Variants in CATSPERB observed in about 807,000 individuals in gnomAD.
CATSPERB encodes cation channel sperm-associated auxiliary subunit beta.
In CATSPERB, 93 loss-of-function variants were observed where a neutral mutation model predicts 128.3. The observed-to-expected ratio is 0.72, with a 90% confidence interval of 0.61 to 0.86. The LOEUF (loss-of-function observed/expected upper bound fraction) is 0.86, where lower values mean the gene tolerates loss of function less well. Ranked by LOEUF, CATSPERB falls within the 40% of genes least tolerant of loss-of-function variation. CATSPERB has a pLI of 0.00. For missense variants in CATSPERB, 1,153 were observed against 1,329.5 expected (o/e 0.87, Z 2.06); for synonymous variants, 381 against 448.8 (o/e 0.85, Z 1.91).
chr14:91,604,565 A>T, intron 22 of CATSPERB: 1 of 1,609,562 alleles, frequency 6.2e-7, no homozygotes. Flanking sequence ...CTGGAACTGC[A>T]TGGAGGACTG....
chr14:91,632,104 A>G (rs1246546395), intron 17 of CATSPERB, among the ~76,000 whole-genome samples: 1 of 152,138 alleles, frequency 6.6e-6, no homozygotes, highest in Non-Finnish European at 1.5e-5. Context: ...ATGAAGACAA[A>G]TATATTAGTA....
intron 5 of CATSPERB, chr14:91,710,739 A>T (rs1895824878): frequency 6.6e-6 from 1 of 152,232 alleles, no homozygotes; most frequent in South Asian, 2.1e-4. Context: ...TAACTACTCC[A>T]GTGGCTGAAT....
intron 26 of CATSPERB, among the ~76,000 whole-genome samples, chr14:91,582,819 A>C (rs1361834014): frequency 6.6e-6 from 1 of 152,154 alleles, no homozygotes; most frequent in East Asian, 1.9e-4. Flanking sequence ...CAGTAAAATT[A>C]TTCTTTGCCC....
At chr14:91,603,725 A>C (rs2139770620) in intron 22 of CATSPERB, among the ~76,000 whole-genome samples, 1 of 152,300 alleles carries the variant, frequency 6.6e-6, no homozygotes, top group East Asian at 1.9e-4. Context: ...GAGGAGGAGC[A>C]GGAGGTAGAG....
chr14:91,689,207 TGA>T (rs1293116765), intron 10 of CATSPERB, among the ~76,000 whole-genome samples: 2 of 152,184 alleles, frequency 1.3e-5, no homozygotes, highest in Non-Finnish European at 2.9e-5. Context: ...CTCCCAAAAC[TGA>T]GAAAACCCTT....
chr14:91,693,245 C>T lies in CATSPERB; in HGVS notation c.713-1G>A, dbSNP rs372221546. On this transcript the variant is annotated splice_acceptor_variant, in intron 8 of 26. Coordinates refer to ENST00000256343, the MANE Select transcript of CATSPERB (RefSeq NM_024764.4). LOFTEE classifies it high-confidence loss of function. ...TCCACCAATGAAAGGTCTTCATATTCTAAACGAAGAAATCATACCATGGAT... is the reference window on the plus strand; with the variant it reads ...TCCACCAATGAAAGGTCTTCATATTTTAAACGAAGAAATCATACCATGGAT... The T allele has an allele frequency of 3.1e-6, 5 of 1,603,038 alleles. No homozygotes were observed. In the African/African-American group the frequency reaches 5.4e-5, roughly 17 times the overall value.
chr14:91,612,119 G>A (rs1477706134), intron 20 of CATSPERB, among the ~76,000 whole-genome samples: 1 of 149,016 alleles, frequency 6.7e-6, no homozygotes, highest in Non-Finnish European at 1.5e-5. Context: ...GAGTACAGTG[G>A]CACTATTATA....
chr14:91,682,760 C>T (rs1197918275), intron 11 of CATSPERB, among the ~76,000 whole-genome samples: 1 of 152,166 alleles, frequency 6.6e-6, no homozygotes, highest in African/African-American at 2.4e-5. Context: ...CAGGCAGTGA[C>T]CATAGATGTA....
intron 22 of CATSPERB, chr14:91,603,301 G>C: frequency 6.8e-7 from 1 of 1,479,366 alleles, no homozygotes; most frequent in Non-Finnish European, 9.5e-7. Flanking sequence ...AGTGGCACTG[G>C]TTTATAATCT....
Position 91,587,474 on chromosome 14 carries a change from A to C in CATSPERB, c.3058-198T>G, listed in dbSNP as rs979455014. On this transcript the variant is annotated intron_variant, in intron 25 of 26. Coordinates refer to ENST00000256343, the MANE Select transcript of CATSPERB (RefSeq NM_024764.4). ...TTGAAGTGGAGGGATTCAATAGCTG[A>C]TACTTTTTTTTTTTTTTTTTTTTTT... Among the ~76,000 whole-genome samples, 4 of 88,828 alleles carry C rather than the reference A, an allele frequency of 4.5e-5. No individual in the cohort carries two copies. In the East Asian group the frequency reaches 1.1e-3, roughly 25 times the overall value. The allele number at this position is 88,828 out of a possible 152,430, so 58.3% of individuals were successfully genotyped here.
At position 91,612,641 on chromosome 14, in the gene CATSPERB, TA is replaced by T. The variant is rs556072082; in HGVS notation, c.2401-1965del. Among the ~76,000 whole-genome samples, 4 of 152,366 alleles carry T rather than the reference TA, an allele frequency of 2.6e-5. No individual in the cohort carries two copies. In the South Asian group the frequency reaches 6.2e-4, roughly 24 times the overall value. On this transcript the variant is annotated intron_variant, in intron 20 of 26. Transcript: ENST00000256343. ...CAATTCTGAAGTATTTTTGGAACTTTAAAAATGTAGAAATACTAATAAACGT... is the reference window on the plus strand; with the variant it reads ...CAATTCTGAAGTATTTTTGGAACTTTAAAATGTAGAAATACTAATAAACGT...
chr14:91,594,308 C>T (rs1239785584), intron 22 of CATSPERB, among the ~76,000 whole-genome samples: 4 of 151,640 alleles, frequency 2.6e-5, no homozygotes, highest in Admixed American at 1.3e-4. Context: ...AGGGGAACAT[C>T]ACACACCAGG....
At chr14:91,650,121 A>G (rs10143914) in intron 15 of CATSPERB, among the ~76,000 whole-genome samples, 13,927 of 152,258 alleles carry the variant, frequency 0.091, 669 homozygotes, top group Middle Eastern at 0.16. Context: ...CACTGAAACC[A>G]TAGTGGTCAA....
chr14:91,692,902 T>G (rs1212287449), intron 9 of CATSPERB, among the ~76,000 whole-genome samples: 1 of 152,206 alleles, frequency 6.6e-6, no homozygotes, highest in Non-Finnish European at 1.5e-5. Flanking sequence ...CATTTAAAAC[T>G]TACTATAAAT....
At chr14:91,694,339 A>G (rs1402774217) in intron 7 of CATSPERB, among the ~76,000 whole-genome samples, 2 of 150,762 alleles carry the variant, frequency 1.3e-5, no homozygotes, top group Non-Finnish European at 3.0e-5. Flanking sequence ...AGCTACTCAG[A>G]AGGCTGAGGT....
Position 91,610,477 on chromosome 14 carries a change from TACCG to T in CATSPERB, c.2597_2598+2del. On this transcript the variant is annotated splice_donor_variant and coding_sequence_variant, in exon 21 of 27. Transcript: ENST00000256343. LOFTEE classifies it high-confidence loss of function. ...ACCAATATACTTAGATTTTTTTTTT[TACCG>T]GCAAAGTTTTGATGAGGTTAAAACC... 1.2e-6 allele frequency: 2 copies of T among 1,608,258 alleles called. No individual in the cohort carries two copies. Among genetic ancestry groups the T allele is most frequent in the South Asian group, 1.1e-5 (1 of 89,888 alleles).
At chr14:91,704,803 C>G in intron 6 of CATSPERB, 102 bp from the exon 7 acceptor site, 1 of 1,226,014 alleles carries the variant, frequency 8.2e-7, no homozygotes, top group Non-Finnish European at 1.1e-6. Context: ...AGAAACTATT[C>G]TATAGTTCAA....
chr14:91,723,172 G>C lies in CATSPERB; in HGVS notation c.186C>G (p.Phe62Leu). ...TTGATGCAATTTCATTTTCAGTTTG[G>C]AAGAAACACTGGATTTTCTTTAGGA... is the stretch of plus-strand genomic sequence containing the variant. ...FLENLKIQCF[F>L]QTENEIASKA... Residue 62 changes from phenylalanine to leucine, a missense_variant, in exon 4 of 27, where the codon TTC (phenylalanine) becomes TTG (leucine). By Grantham distance (22) the Phe-to-Leu change is conservative. Coordinates refer to ENST00000256343, the MANE Select transcript of CATSPERB (RefSeq NM_024764.4). 1.4e-6 allele frequency: 2 copies of C among 1,464,950 alleles called. No homozygotes were observed. Among genetic ancestry groups the C allele is most frequent in the Non-Finnish European group, 1.8e-6 (2 of 1,109,110 alleles). 90.7% of individuals were successfully genotyped at this position (1,464,950 alleles called of 1,614,324 possible).
At chr14:91,684,050 G>T in intron 10 of CATSPERB, 107 bp from the exon 11 acceptor site, 2 of 667,862 alleles carry the variant, frequency 3.0e-6, no homozygotes, top group Non-Finnish European at 4.9e-6. Context: ...GTTCAGGAAT[G>T]TGAGGCAAAG....
Sources: allele counts gnomAD v4.1 joint callset (sites outside exome capture counted in the v4.1 genomes callset), GRCh38; gene constraint gnomAD v4.1.1; transcripts MANE v1.5; gene names NCBI Gene and HGNC (gene_info 2026-07-23, HGNC 2026-07-21).